Variants in UNC5D observed in about 807,000 individuals in gnomAD.
UNC5D encodes netrin receptor UNC5D.
In UNC5D, 39 loss-of-function variants were observed where a neutral mutation model predicts 105.4. That is an observed-to-expected ratio of 0.37 (90% CI 0.29 to 0.48). The LOEUF is 0.48. Ranked by LOEUF, UNC5D falls within the 20% of genes least tolerant of loss-of-function variation. The pLI is 0.98. For synonymous variants in UNC5D, 452 were observed against 450.4 expected (o/e 1.00, Z -0.04); for missense variants, 991 against 1,202.4 (o/e 0.82, Z 2.60).
intron 8 of UNC5D, among the ~76,000 whole-genome samples, chr8:35,719,347 A>C (rs922921494): frequency 8.5e-5 from 13 of 152,304 alleles, no homozygotes; most frequent in Admixed American, 5.9e-4. Context: ...AAGATCAGAA[A>C]ACAATGGGAT....
intron 1 of UNC5D, among the ~76,000 whole-genome samples, chr8:35,396,379 A>G (rs376783560): frequency 1.3e-5 from 2 of 152,218 alleles, no homozygotes; most frequent in East Asian, 3.9e-4. Flanking sequence ...GTCCTCTTCC[A>G]GTAGAGTCAC....
rs1334662855 is a variant in UNC5D at position 35,766,918 on chromosome 8, G to A, written c.2330G>A (p.Arg777His). ...CCCCTGCAGGAAGTCCCGTTCTCCC[G>A]CGTGTGGTGCAGTAACCGGCAGCCC... The part of the protein sequence containing the change: ...FTACQEVPFS[R>H]VWCSNRQPLH... The change falls in exon 15 of 17, where the codon CGC (arginine) becomes CAC (histidine). Residue 777 changes from arginine to histidine, a missense_variant. Arg to His is a conservative substitution (Grantham distance 29). This residue lies in a region of UNC5D where 944 missense variants were observed against 1,131.6 expected (regional missense o/e 0.83). Coordinates refer to ENST00000404895, the MANE Select transcript of UNC5D (RefSeq NM_080872.4). The A allele has an allele frequency of 1.6e-5, 25 of 1,612,846 alleles. No individual in the cohort carries two copies. The highest frequency in any genetic ancestry group is 4.0e-5 in the African/African-American group (3 of 74,846).
chr8:35,409,330 A>G (rs891382997), intron 1 of UNC5D, among the ~76,000 whole-genome samples: 18 of 152,198 alleles, frequency 1.2e-4, no homozygotes, highest in African/African-American at 4.3e-4. Flanking sequence ...AGGCTGTACC[A>G]TATTTCATTC....
At chr8:35,743,519 C>T (rs559205358) in intron 11 of UNC5D, among the ~76,000 whole-genome samples, 42 of 151,306 alleles carry the variant, frequency 2.8e-4, no homozygotes, top group Middle Eastern at 6.8e-3. Context: ...CTCGAGTGAT[C>T]CCCCCCACCT....
intron 11 of UNC5D, among the ~76,000 whole-genome samples, chr8:35,743,719 A>G (rs1829875921): frequency 6.6e-6 from 1 of 152,038 alleles, no homozygotes; most frequent in Admixed American, 6.6e-5. Flanking sequence ...AATATTCTGT[A>G]TTTGTCTCTC....
chr8:35,256,070 T>C (rs574280861), intron 1 of UNC5D: 3 of 152,334 alleles, frequency 2.0e-5, no homozygotes, highest in East Asian at 1.9e-4. Flanking sequence ...TCCTCATCTA[T>C]AGAAGTGCCT....
chr8:35,288,636 G>A (rs560905009), intron 1 of UNC5D, among the ~76,000 whole-genome samples: 1 of 152,186 alleles, frequency 6.6e-6, no homozygotes, highest in South Asian at 2.1e-4. Context: ...CAAAAAAATT[G>A]AAAACAACTA....
At chr8:35,730,991 T>G (rs767297552) in intron 10 of UNC5D, 21 bp from the exon 11 acceptor site, 1 of 1,611,972 alleles carries the variant, frequency 6.2e-7, no homozygotes, top group Admixed American at 1.7e-5. Flanking sequence ...ATGAATAACC[T>G]GTTGGCTTTT....
chr8:35,707,596 A>G lies in UNC5D; in HGVS notation c.1117+1635A>G, dbSNP rs1460894196. On this transcript the variant is annotated intron_variant, in intron 8 of 16. Transcript: ENST00000404895. ...GTGGACTCTTACCTTGCTCCCGGCC[A>G]CATGGTGCATGCTGTCCACTGATTC... Among the ~76,000 whole-genome samples, 5 of 152,310 alleles carry G rather than the reference A, an allele frequency of 3.3e-5. No homozygotes were observed. The East Asian group carries it at 7.7e-4, about 24-fold the overall frequency.
intron 1 of UNC5D, among the ~76,000 whole-genome samples, chr8:35,272,213 A>G (rs1053402465): frequency 2.0e-5 from 3 of 152,208 alleles, no homozygotes; most frequent in Non-Finnish European, 4.4e-5. Flanking sequence ...TTAAAAAGTA[A>G]CTATTACTTG....
chr8:35,690,334 C>T lies in UNC5D; in HGVS notation c.1084+3625C>T, dbSNP rs1173839960. ...GATAGAAAGTGACTACCTATATCAA[C>T]AAAAATGAGTAACACCAGACATGGT... On this transcript the variant is annotated intron_variant, in intron 7 of 16. Coordinates refer to ENST00000404895, the MANE Select transcript of UNC5D (RefSeq NM_080872.4). Among the ~76,000 whole-genome samples the T allele has an allele frequency of 2.6e-5, 4 of 152,198 alleles. No homozygotes were observed. The East Asian group carries it at 7.7e-4, about 29-fold the overall frequency.
chr8:35,682,825 A>G (rs2131335967), intron 4 of UNC5D, among the ~76,000 whole-genome samples: 1 of 152,322 alleles, frequency 6.6e-6, no homozygotes, highest in African/African-American at 2.4e-5. Flanking sequence ...GAGAAAACAC[A>G]TCCGAAATGG....
intron 1 of UNC5D, among the ~76,000 whole-genome samples, chr8:35,305,575 CTTTTTCTT>C (rs751781993): frequency 0.032 from 3,072 of 97,484 alleles, 66 homozygotes; most frequent in Non-Finnish European, 0.038. Context: ...TTCTTTCTTT[CTTTTTCTT>C]TCTTTCTTTC....
chr8:35,269,833 T>C (rs1360507763), intron 1 of UNC5D, among the ~76,000 whole-genome samples: 3 of 152,096 alleles, frequency 2.0e-5, no homozygotes, highest in Admixed American at 6.6e-5. Flanking sequence ...GAGTCCAAGG[T>C]CACACAGATG....
intron 1 of UNC5D, among the ~76,000 whole-genome samples, chr8:35,315,262 C>T (rs1456640917): frequency 6.6e-6 from 1 of 152,158 alleles, no homozygotes; most frequent in African/African-American, 2.4e-5. Context: ...TTAAGACAAT[C>T]ATTTACTATT....
chr8:35,570,341 T>G (rs1451439475), intron 3 of UNC5D, among the ~76,000 whole-genome samples: 3 of 152,182 alleles, frequency 2.0e-5, no homozygotes, highest in East Asian at 3.9e-4. Flanking sequence ...TTATTTCATC[T>G]CTGTGTCTTA....
At chr8:35,527,408 G>A (rs1813952502) in intron 1 of UNC5D, among the ~76,000 whole-genome samples, 2 of 152,160 alleles carry the variant, frequency 1.3e-5, no homozygotes, top group Admixed American at 1.3e-4. Context: ...AGTTCTTAGG[G>A]CTAAGAAGTC....
In UNC5D at chr8:35,705,100, G is replaced by T. The variant is rs551092219; in HGVS notation, c.1085-829G>T. Among the ~76,000 whole-genome samples the T allele has an allele frequency of 1.1e-4, 16 of 152,184 alleles. No homozygotes were observed. The South Asian group carries it at 3.1e-3, about 30-fold the overall frequency. On this transcript the variant is annotated intron_variant, in intron 7 of 16. Transcript: ENST00000404895. Reference sequence around the variant, plus strand: ...CTGCCTCAGCCTCCCGCGTAGCTGGGACTACAGGCGCCTGCCACCTCGCCC... The same window carrying T: ...CTGCCTCAGCCTCCCGCGTAGCTGGTACTACAGGCGCCTGCCACCTCGCCC...
chr8:35,279,754 A>G (rs1806016826), intron 1 of UNC5D, among the ~76,000 whole-genome samples: 1 of 152,234 alleles, frequency 6.6e-6, no homozygotes, highest in Non-Finnish European at 1.5e-5. Flanking sequence ...ACATTGAGGT[A>G]GAGAGAGGCT....
Sources: gnomAD v4.1 joint callset for allele counts (sites outside exome capture counted in the v4.1 genomes callset) on GRCh38, gnomAD v4.1.1 for gene constraint, gnomAD v4.1.1 regional missense constraint, MANE v1.5 for transcripts, NCBI Gene and HGNC (gene_info 2026-07-23, HGNC 2026-07-21) for gene names.